The following FGFR1 variants were observed in gnomAD, a reference collection of about 807,000 sequenced individuals.
FGFR1 encodes fibroblast growth factor receptor 1.
A neutral mutation model predicts 93.7 loss-of-function variants in FGFR1; 18 were observed. The observed-to-expected ratio is 0.19, with a 90% CI of 0.13 to 0.28. The LOEUF (loss-of-function observed/expected upper bound fraction) is 0.28. Among genes scored for constraint, FGFR1 ranks in the 10% least tolerant of loss-of-function variants. The probability of loss-of-function intolerance (pLI) is 1.00; values close to 1 mark genes in which losing one functional copy is unlikely to be tolerated. For missense variants in FGFR1, 731 were observed against 1,080.4 expected, an observed-to-expected ratio of 0.68 and a Z score of 4.53; for synonymous variants, 448 against 429.3, an observed-to-expected ratio of 1.04 and a Z score of -0.54.
At chr8:38,462,239 C>T (rs1563645883) in intron 1 of FGFR1, among the ~76,000 whole-genome samples, 1 of 152,168 alleles carries the variant, frequency 6.6e-6, no homozygotes, top group Non-Finnish European at 1.5e-5. Context: ...GGCGCGGTGG[C>T]TCACGCCTGT....
chr8:38,429,147 C>T lies in FGFR1; in HGVS notation c.358+535G>A. 3 of 368,110 alleles carry T rather than the reference C, an allele frequency of 8.1e-6. No individual in the cohort carries two copies. The East Asian group carries it at 2.2e-4, about 27-fold the overall frequency. 22.8% of individuals were successfully genotyped at this position (368,110 alleles called of 1,614,324 possible). ...AAATTTCAGCTCCACTTCCTCAACT[C>T]CTAGTTTTGTGAAAGTCACATTCTA... On this transcript the variant is annotated intron_variant, in intron 3 of 17. Coordinates refer to ENST00000447712, the MANE Select transcript of FGFR1 (RefSeq NM_023110.3). This position sits in a 1 kb window ranked among gnomAD's most constrained non-coding sequence, Gnocchi z 4.4.
At chr8:38,423,321 T>C (rs1343990509) in intron 7 of FGFR1, 4 of 603,282 alleles carry the variant, frequency 6.6e-6, no homozygotes, top group Admixed American at 3.0e-5. Flanking sequence ...AGTTTTTTTT[T>C]TTTTTTTTTT....
intron 2 of FGFR1, among the ~76,000 whole-genome samples, chr8:38,442,855 G>A (rs769673465): frequency 6.6e-6 from 1 of 152,196 alleles, no homozygotes; most frequent in African/African-American, 2.4e-5. Context: ...TGAGCTCACA[G>A]TTCACCTGGA....
At chr8:38,458,255 C>T (rs1181784831) in intron 1 of FGFR1, among the ~76,000 whole-genome samples, 1 of 151,946 alleles carries the variant, frequency 6.6e-6, no homozygotes, top group Non-Finnish European at 1.5e-5. Flanking sequence ...CTTCACTCTG[C>T]CCAGGCCAGG....
rs1814419850 is a variant in FGFR1, at chr8:38,411,532, A to T, written c.*2096T>A. 1 of 228,964 alleles carries T rather than the reference A, an allele frequency of 4.4e-6. No individual in the cohort carries two copies. Among genetic ancestry groups the T allele is most frequent in the African/African-American group, 2.2e-5 (1 of 45,262 alleles). 14.2% of individuals were successfully genotyped at this position (228,964 alleles called of 1,614,324 possible). On this transcript the variant is annotated 3_prime_UTR_variant, in exon 18 of 18. Transcript: ENST00000447712. ...AGAGAATTTTACAATAGTCGCCAAC[A>T]CTGCAGCTGCCAAAAAATCCCTAGC...
chr8:38,430,412 C>T (rs186523588), intron 2 of FGFR1: 212 of 162,744 alleles, frequency 1.3e-3, no homozygotes, highest in Non-Finnish European at 2.6e-3. Flanking sequence ...GCTGAACAAA[C>T]CCCGCCCCTC....
Position 38,429,549 on chromosome 8 carries a change from G to A in FGFR1, c.358+133C>T. ...ACGCGGCAGGCAGGGAGCAATGTTA[G>A]TGGGCAGCAGTTTCTGAAGCAGAGT... is the stretch of plus-strand genomic sequence containing the variant. On this transcript the variant is annotated intron_variant, in intron 3 of 17. Transcript: ENST00000447712. This position sits in a 1 kb window ranked among gnomAD's most constrained non-coding sequence, Gnocchi z 4.4. 2 of 1,031,906 alleles carry A rather than the reference G, an allele frequency of 1.9e-6. No individual in the cohort carries two copies. The highest frequency in any genetic ancestry group is 1.4e-6 in the Non-Finnish European group (1 of 696,712). 63.9% of individuals were successfully genotyped at this position (1,031,906 alleles called of 1,614,324 possible). A position where few individuals can be genotyped will look rare whatever the true frequency, so the allele number is the denominator to read the frequency against.
At chr8:38,457,161 G>A (rs562776218) in intron 2 of FGFR1, among the ~76,000 whole-genome samples, 195 bp downstream of exon 2, 6 of 152,224 alleles carry the variant, frequency 3.9e-5, no homozygotes, top group Non-Finnish European at 7.3e-5. Flanking sequence ...CTCTGATGAA[G>A]TCAGTTATGT....
chr8:38,441,274 C>T lies in FGFR1; in HGVS notation c.92-11326G>A, dbSNP rs571497988. Among the ~76,000 whole-genome samples, 64 of 152,334 alleles carry T rather than the reference C, an allele frequency of 4.2e-4. 1 individual carries two copies. In the South Asian group the frequency reaches 9.1e-3, roughly 22 times the overall value. On this transcript the variant is annotated intron_variant, in intron 2 of 17. Coordinates refer to ENST00000447712, the MANE Select transcript of FGFR1 (RefSeq NM_023110.3). ...GCACGGATTCATCTGATGCCTCCTT[C>T]AAATCTGTACTTTTTTCCCCTAGGG...
At chr8:38,434,509 G>A in intron 2 of FGFR1, 1 of 371,152 alleles carries the variant, frequency 2.7e-6, no homozygotes, top group Non-Finnish European at 5.2e-6. Context: ...ATCTGGAAAC[G>A]ATCCCATGTC....
At chr8:38,419,932 A>G in intron 8 of FGFR1, 197 bp from the exon 9 acceptor site, 1 of 594,292 alleles carries the variant, frequency 1.7e-6, no homozygotes, top group Non-Finnish European at 3.0e-6. Context: ...GCTGCCTTCA[A>G]TGGACTTGAG....
At chr8:38,438,211 T>C (rs548975315) in intron 2 of FGFR1, among the ~76,000 whole-genome samples, 4 of 152,198 alleles carry the variant, frequency 2.6e-5, no homozygotes. Context: ...TCAGCATGTG[T>C]TAACTTAGAA....
Position 38,467,120 on chromosome 8 carries a change from C to T in FGFR1, c.-89+861G>A, listed in dbSNP as rs114341215. Among the ~76,000 whole-genome samples, 1,077 of 152,156 alleles carry T rather than the reference C, an allele frequency of 7.1e-3. 15 individuals carry two copies. Among genetic ancestry groups the T allele is most frequent in the African/African-American group, 0.024 (997 of 41,478 alleles). ...CGAGTGAACCACACCGGACAAAAAC[C>T]CTCATCCCTTCCCCCACCTCTAGGA... On this transcript the variant is annotated intron_variant, in intron 1 of 17. Coordinates refer to ENST00000447712, the MANE Select transcript of FGFR1 (RefSeq NM_023110.3).
rs1211901113 is a variant in FGFR1 at position 38,414,811 on chromosome 8, G to C, written c.1945C>G (p.His649Asp). Residue 649 changes from histidine (H) to aspartate (D), a missense_variant, in exon 14 of 18, where the codon CAC (histidine) becomes GAC (aspartate). This residue lies in a region of FGFR1 where 44 missense variants were observed against 99.9 expected (regional missense o/e 0.44). Coordinates refer to ENST00000447712, the MANE Select transcript of FGFR1 (RefSeq NM_023110.3). ...IADFGLARDI[H>D]HIDYYKKTTN... ...GTCTTTTTATAGTAGTCGATGTGGT[G>C]AATGTCCCGTGCGAGGCCAAAGTCT... 7 of 1,613,992 alleles carry C rather than the reference G, an allele frequency of 4.3e-6. No homozygotes were observed. The highest frequency in any genetic ancestry group is 1.1e-5 in the South Asian group (1 of 91,068).
chr8:38,426,152 T>C lies in FGFR1; in HGVS notation c.715A>G (p.Ile239Val), dbSNP rs777114323. 1.2e-6 allele frequency: 2 copies of C among 1,614,198 alleles called. No homozygotes were observed. The highest frequency in any genetic ancestry group is 4.5e-5 in the East Asian group (2 of 44,882). Residue 239 changes from isoleucine (I) to valine (V), a missense_variant, in exon 6 of 18, where the codon ATC becomes GTC. By Grantham distance (29) the Ile-to-Val change is conservative. This residue lies in a region of FGFR1 where 109 missense variants were observed against 249.4 expected (regional missense o/e 0.44). Coordinates refer to ENST00000447712, the MANE Select transcript of FGFR1 (RefSeq NM_023110.3). The surrounding 1 kb of genome is among the most constrained non-coding windows in gnomAD (Gnocchi z 4.1). ...ACATCCAGCTGGTATGTGTGGTTGATGCTGCCGTACTCATTCTCCACAATG... is the reference window on the plus strand; with the variant it reads ...ACATCCAGCTGGTATGTGTGGTTGACGCTGCCGTACTCATTCTCCACAATG... Reference protein sequence around the residue: ...TCIVENEYGSINHTYQLDVVE... With the variant: ...TCIVENEYGSVNHTYQLDVVE...
At chr8:38,452,085 C>G (rs2151275511) in intron 2 of FGFR1, among the ~76,000 whole-genome samples, 1 of 152,070 alleles carries the variant, frequency 6.6e-6, no homozygotes, top group East Asian at 1.9e-4. Context: ...ATCAACTTTC[C>G]AAGGACAGCC....
chr8:38,422,070 A>G (rs1819010211), intron 7 of FGFR1, 129 bp from the exon 8 acceptor site: 2 of 1,154,174 alleles, frequency 1.7e-6, no homozygotes, highest in Middle Eastern at 1.9e-4. Flanking sequence ...CTTCTTTGCA[A>G]CAAGGAACAA....
chr8:38,413,725 C>T lies in FGFR1; in HGVS notation c.2372G>A (p.Gly791Glu), dbSNP rs2150508145. 1 of 1,614,066 alleles carries T rather than the reference C, an allele frequency of 6.2e-7. No homozygotes were observed. Among genetic ancestry groups the T allele is most frequent in the Non-Finnish European group, 8.5e-7 (1 of 1,179,994 alleles). The change falls in exon 18 of 18, where the codon GGG becomes GAG. Residue 791 changes from glycine to glutamate, a missense_variant. By Grantham distance (98) the Gly-to-Glu change is moderately conservative (BLOSUM62 -2). Transcript: ENST00000447712. This position sits in a 1 kb window ranked among gnomAD's most constrained non-coding sequence, Gnocchi z 4.2. ...PDTRSSTCSS[G>E]EDSVFSHEPL... Reference sequence around the variant, plus strand: ...CTCATGAGAGAAGACGGAATCCTCCCCTGAGGAGCACGTAGAGCTCCGGGT... The same window carrying T: ...CTCATGAGAGAAGACGGAATCCTCCTCTGAGGAGCACGTAGAGCTCCGGGT...
Position 38,468,616 on chromosome 8 carries a change from G to C in FGFR1, c.-724C>G, listed in dbSNP as rs1025802126. ...GAGGACGCCGCGCCTGTGGCCGCAA[G>C]AGCGCTCCGAGCGCTATGCGCCGGC... On this transcript the variant is annotated 5_prime_UTR_variant, in exon 1 of 18. Transcript: ENST00000447712. 2 of 230,448 alleles carry C rather than the reference G, an allele frequency of 8.7e-6. No homozygotes were observed. The highest frequency in any genetic ancestry group is 5.7e-5 in the Admixed American group (1 of 17,670). The allele number at this position is 230,448 out of a possible 1,614,324, so 14.3% of individuals were successfully genotyped here. A position where few individuals can be genotyped will look rare whatever the true frequency, so the allele number is the denominator to read the frequency against.
Sources: gnomAD v4.1 joint callset for allele counts (sites outside exome capture counted in the v4.1 genomes callset) on GRCh38, gnomAD v4.1.1 for gene constraint, gnomAD v4.1.1 regional missense constraint, Gnocchi (gnomAD v3.1) non-coding constraint, MANE v1.5 for transcripts, NCBI Gene and HGNC (gene_info 2026-07-23, HGNC 2026-07-21) for gene names.